Variants in ZC3H7A observed in about 807,000 individuals in gnomAD.
ZC3H7A encodes zinc finger CCCH-type containing 7A.
ZC3H7A carries 44 observed loss-of-function variants against 125.5 expected under a neutral mutation model. The ratio of observed to expected loss-of-function variants is 0.35; its 90% confidence interval spans 0.28 to 0.45. The LOEUF is 0.45. ZC3H7A is among the 20% of genes least tolerant of loss of function. ZC3H7A has a pLI of 1.00. For missense variants in ZC3H7A, 977 were observed against 1,170.7 expected, an observed-to-expected ratio of 0.83 and a Z score of 2.41; for synonymous variants, 399 against 391.2, an observed-to-expected ratio of 1.02 and a Z score of -0.23.
intron 3 of ZC3H7A, among the ~76,000 whole-genome samples, chr16:11,781,189 G>T (rs548966536): frequency 6.6e-6 from 1 of 152,150 alleles, no homozygotes. Context: ...GGGCCATATG[G>T]TCTCTGTCAA....
At chr16:11,776,190 T>C (rs2053077253) in intron 7 of ZC3H7A, 130 bp downstream of exon 7, 4 of 846,736 alleles carry the variant, frequency 4.7e-6, no homozygotes, top group South Asian at 3.4e-5. Flanking sequence ...CAGGAGGGTA[T>C]TGCCAATTAC....
chr16:11,782,659 G>A (rs1026856997), intron 1 of ZC3H7A: 6 of 213,134 alleles, frequency 2.8e-5, no homozygotes, highest in Admixed American at 1.2e-4. Context: ...CCAGGCTGGA[G>A]TGCAGTGGCG....
At position 11,772,537 on chromosome 16, in the gene ZC3H7A, C is replaced by G. The variant is rs143798264; in HGVS notation, c.904-1550G>C. On this transcript the variant is annotated intron_variant, in intron 9 of 22. Coordinates refer to ENST00000355758, the MANE Select transcript of ZC3H7A (RefSeq NM_014153.4). ...TGATGAAGTAACTTGCCCAGTATCA[C>G]AGAGCTGGTAAGAATCAAAGCCAGC... 2.5e-3 allele frequency among the ~76,000 whole-genome samples: 374 copies of G among 151,882 alleles called. 12 individuals are homozygous for G. Among genetic ancestry groups the G allele is most frequent in the African/African-American group, 8.3e-3 (342 of 41,194 alleles).
intron 4 of ZC3H7A, among the ~76,000 whole-genome samples, chr16:11,777,489 G>A (rs900132639): frequency 2.6e-5 from 4 of 152,198 alleles, no homozygotes; most frequent in Admixed American, 6.5e-5. Context: ...GGGAGGCCGA[G>A]GTGGGTGGAT....
chr16:11,772,346 C>T lies in ZC3H7A; in HGVS notation c.904-1359G>A, dbSNP rs2052999501. On this transcript the variant is annotated intron_variant, in intron 9 of 22. Transcript: ENST00000355758. The stretch of plus-strand genomic sequence containing the variant: ...GTGTGAACTTACAACTGGACAAGAA[C>T]ATACAACTCTAACTTCCCCAGGCCC... Among the ~76,000 whole-genome samples the T allele has an allele frequency of 2.0e-5, 3 of 151,810 alleles. No individual in the cohort carries two copies. The South Asian group carries it at 6.2e-4, about 31-fold the overall frequency.
intron 16 of ZC3H7A, 131 bp from the exon 17 acceptor site, chr16:11,762,878 T>G (rs1264521642): frequency 1.4e-6 from 1 of 739,824 alleles, no homozygotes; most frequent in Non-Finnish European, 2.2e-6. Context: ...TCAGCAAGGA[T>G]GAATACCACG....
At chr16:11,766,539 C>A (rs1472744155) in intron 13 of ZC3H7A, among the ~76,000 whole-genome samples, 2 of 152,164 alleles carry the variant, frequency 1.3e-5, no homozygotes, top group African/African-American at 2.4e-5. Context: ...GCACCCCAGC[C>A]TGGGAGACAG....
Position 11,784,332 on chromosome 16 carries a change from T to A in ZC3H7A, c.-34-1944A>T, listed in dbSNP as rs190551939. The stretch of plus-strand genomic sequence containing the variant: ...TAATAGAAATGCTTTTTTAAAAAAA[T>A]TTATATATTTTTTTAATTTATAAAT... On this transcript the variant is annotated intron_variant, in intron 1 of 22. Coordinates refer to ENST00000355758, the MANE Select transcript of ZC3H7A (RefSeq NM_014153.4). 3.7e-4 allele frequency among the ~76,000 whole-genome samples: 57 copies of A among 152,072 alleles called. 1 individual carries two copies. The highest frequency in any genetic ancestry group is 5.7e-4 in the Non-Finnish European group (39 of 67,968).
At chr16:11,766,090 C>A (rs2052852643) in intron 13 of ZC3H7A, among the ~76,000 whole-genome samples, 1 of 150,102 alleles carries the variant, frequency 6.7e-6, no homozygotes, top group South Asian at 2.1e-4. Flanking sequence ...ATGGACCACA[C>A]CTCAGCTGAA....
Position 11,776,899 on chromosome 16 carries a change from T to A in ZC3H7A, c.317A>T (p.Asp106Val), listed in dbSNP as rs200608515. 6.3e-7 allele frequency: 1 copy of A among 1,597,922 alleles called. No individual in the cohort carries two copies. The highest frequency in any genetic ancestry group is 2.3e-5 in the East Asian group (1 of 44,440). The change falls in exon 5 of 23, where the codon GAT becomes GTT. Residue 106 changes from aspartate (D) to valine (V), a missense_variant. Asp to Val is a radical substitution (Grantham distance 152). Around this residue, in one of 3 missense-constraint regions of ZC3H7A, gnomAD observed 199 missense variants for 256.1 expected, o/e 0.78. Coordinates refer to ENST00000355758, the MANE Select transcript of ZC3H7A (RefSeq NM_014153.4). Reference protein sequence around the residue: ...IACYSNMGFHDKVLEDCNIVL... With the variant: ...IACYSNMGFHVKVLEDCNIVL... ...TATATTGCAGTCCTCCAAAACTTTA[T>A]CATGGAAACCCTGGTGTGTAAGACC... is the stretch of plus-strand genomic sequence containing the variant.
intron 19 of ZC3H7A, among the ~76,000 whole-genome samples, chr16:11,760,539 C>T (rs1292314164): frequency 3.9e-5 from 6 of 152,212 alleles, no homozygotes; most frequent in African/African-American, 1.4e-4. Context: ...ACATCTACCT[C>T]TTCTTCAACT....
Position 11,776,529 on chromosome 16 carries a change from C to A in ZC3H7A, c.469G>T (p.Glu157Ter). ...TCTTGAGTTAGTTTTATTACATGCT[C>A]ATCCTGAAAAAAATAAGTATGTATA... is the stretch of plus-strand genomic sequence containing the variant. ...AKCSLAVPQD[E>*]HVIKLTQELA... Residue 157 changes from glutamate to a stop codon, truncating the protein, a stop_gained, in exon 6 of 23, where the codon GAG (glutamate) becomes TAG (stop). Transcript: ENST00000355758. LOFTEE classifies it high-confidence loss of function. 3 of 1,602,204 alleles carry A rather than the reference C, an allele frequency of 1.9e-6. No homozygotes were observed. In the South Asian group the frequency reaches 3.4e-5, roughly 18 times the overall value.
rs372325576 is a variant in ZC3H7A, at chr16:11,762,701, C to G, written c.2049G>C (p.Gln683His). ...AIAQESKRYWQNLEANVPGAQ... is the reference protein window; with the variant it reads ...AIAQESKRYWHNLEANVPGAQ... ...CTCCAGGTACATTTGCTTCCAAATT[C>G]TGCCAATATCGTTTAGACTCTTGAG... Residue 683 changes from glutamine to histidine, a missense_variant, in exon 17 of 23, where the codon CAG becomes CAC. Gln to His is a conservative substitution (Grantham distance 24). Transcript: ENST00000355758. The G allele has an allele frequency of 6.1e-5, 99 of 1,613,924 alleles. No homozygotes were observed. The highest frequency in any genetic ancestry group is 7.8e-5 in the Non-Finnish European group (92 of 1,180,012).
At chr16:11,774,690 T>G (rs1028456703) in intron 8 of ZC3H7A, among the ~76,000 whole-genome samples, 171 bp from the exon 9 acceptor site, 1 of 152,176 alleles carries the variant, frequency 6.6e-6, no homozygotes. Context: ...GTGTGAAAAC[T>G]TATCCTTCTT....
chr16:11,764,420 G>C (rs941450147), intron 15 of ZC3H7A, among the ~76,000 whole-genome samples: 2 of 152,100 alleles, frequency 1.3e-5, no homozygotes, highest in South Asian at 4.1e-4. Flanking sequence ...GTGGTGGCAC[G>C]TGCCTGTAAT....
At chr16:11,766,702 G>A (rs1256354104) in intron 13 of ZC3H7A, among the ~76,000 whole-genome samples, 2 of 152,178 alleles carry the variant, frequency 1.3e-5, no homozygotes, top group East Asian at 1.9e-4. Flanking sequence ...AGGCAACATA[G>A]TGAAACCCTG....
chr16:11,764,864 A>G (rs979643434), intron 15 of ZC3H7A, 189 bp downstream of exon 15: 11 of 463,656 alleles, frequency 2.4e-5, no homozygotes, highest in African/African-American at 2.1e-4. Flanking sequence ...TTTACATAAT[A>G]TATTTAGTTA....
intron 19 of ZC3H7A, 137 bp from the exon 20 acceptor site, chr16:11,758,676 T>G: frequency 1.6e-6 from 1 of 623,946 alleles, no homozygotes; most frequent in Non-Finnish European, 2.8e-6. Flanking sequence ...TTAATTTGAC[T>G]CTACTCAAAT....
At chr16:11,751,558 C>A in intron 22 of ZC3H7A, 52 bp from the exon 23 acceptor site, 1 of 1,545,564 alleles carries the variant, frequency 6.5e-7, no homozygotes. Flanking sequence ...TTCTAAAAAT[C>A]GTGTCATGAT....
Sources: allele counts gnomAD v4.1 joint callset (sites outside exome capture counted in the v4.1 genomes callset), GRCh38; gene constraint gnomAD v4.1.1; regional missense constraint gnomAD v4.1.1; transcripts MANE v1.5; gene names NCBI Gene and HGNC (gene_info 2026-07-23, HGNC 2026-07-21).